SCMH1: variants seen among roughly 807,000 people sequenced by gnomAD.
SCMH1 encodes polycomb protein SCMH1.
Under a neutral mutation model 70.8 loss-of-function variants are expected in SCMH1, and 37 were observed. The ratio of observed to expected loss-of-function variants is 0.52; its 90% CI spans 0.40 to 0.69. The LOEUF is 0.69. Among genes scored for constraint, SCMH1 ranks in the 30% least tolerant of loss-of-function variants. The probability of loss-of-function intolerance (pLI) is 0.00; values close to 1 mark genes in which losing one functional copy is unlikely to be tolerated. For missense variants in SCMH1, 607 were observed against 827.3 expected (o/e 0.73, Z 3.27); for synonymous variants, 292 against 307.4 (o/e 0.95, Z 0.52).
At chr1:41,210,169 T>C (rs1656651859) in intron 1 of SCMH1, among the ~76,000 whole-genome samples, 1 of 152,106 alleles carries the variant, frequency 6.6e-6, no homozygotes, top group African/African-American at 2.4e-5. Context: ...AAGGACCTCT[T>C]CAAGGAGAAC....
chr1:41,100,524 C>A (rs938596097), intron 8 of SCMH1, among the ~76,000 whole-genome samples: 3 of 151,094 alleles, frequency 2.0e-5, no homozygotes, highest in African/African-American at 7.3e-5. Context: ...AATCCCTTAT[C>A]TTTAACATGT....
chr1:41,035,673 C>G (rs879342636), intron 13 of SCMH1, among the ~76,000 whole-genome samples: 1 of 152,188 alleles, frequency 6.6e-6, no homozygotes, highest in Non-Finnish European at 1.5e-5. Flanking sequence ...CTAACTTTCT[C>G]CTCTTTCCTA....
intron 7 of SCMH1, among the ~76,000 whole-genome samples, chr1:41,114,088 T>C (rs1210614140): frequency 6.6e-6 from 1 of 152,220 alleles, no homozygotes; most frequent in Non-Finnish European, 1.5e-5. Flanking sequence ...TCCAATTGTT[T>C]ACTATTTTAA....
intron 6 of SCMH1, among the ~76,000 whole-genome samples, chr1:41,123,577 G>A (rs1672465775): frequency 6.6e-6 from 1 of 152,182 alleles, no homozygotes; most frequent in Non-Finnish European, 1.5e-5. Context: ...CCTAGACCCT[G>A]AAAATTTTAA....
chr1:41,167,912 G>GA (rs1646517691), intron 2 of SCMH1, among the ~76,000 whole-genome samples: 1 of 27,090 alleles, frequency 3.7e-5, no homozygotes, highest in African/African-American at 1.7e-4. Flanking sequence ...GCAGTGTTTT[G>GA]TTTTTTTTTT....
At chr1:41,149,571 G>T (rs1312091139) in intron 5 of SCMH1, among the ~76,000 whole-genome samples, 3 of 152,098 alleles carry the variant, frequency 2.0e-5, no homozygotes, top group Non-Finnish European at 4.4e-5. Flanking sequence ...TACCTGATGG[G>T]TACTGGATAT....
intron 10 of SCMH1, among the ~76,000 whole-genome samples, chr1:41,064,947 C>T (rs1196583890): frequency 2.0e-5 from 3 of 151,846 alleles, no homozygotes; most frequent in Non-Finnish European, 4.4e-5. Context: ...CTCACAATAC[C>T]ATTTATGTTA....
chr1:41,182,840 T>C (rs1330096559), intron 2 of SCMH1, among the ~76,000 whole-genome samples: 2 of 152,126 alleles, frequency 1.3e-5, no homozygotes, highest in African/African-American at 2.4e-5. Flanking sequence ...CATTACAAAA[T>C]GTGTAATTTT....
At chr1:41,226,873 C>T (rs116619968) in intron 1 of SCMH1, among the ~76,000 whole-genome samples, 2,498 of 152,264 alleles carry the variant, frequency 0.016, 27 homozygotes, top group South Asian at 0.03. Flanking sequence ...GAAGTTATGT[C>T]TCCGTTGAAA....
intron 1 of SCMH1, among the ~76,000 whole-genome samples, chr1:41,201,005 C>G (rs1458085496): frequency 6.6e-6 from 1 of 152,136 alleles, no homozygotes; most frequent in Non-Finnish European, 1.5e-5. Context: ...CCAGAGATCT[C>G]AAGATCAACT....
chr1:41,131,136 C>T (rs1460467043), intron 6 of SCMH1, among the ~76,000 whole-genome samples: 1 of 152,064 alleles, frequency 6.6e-6, no homozygotes, highest in African/African-American at 2.4e-5. Context: ...CCATTTGTTC[C>T]TCACCAGCTG....
intron 13 of SCMH1, among the ~76,000 whole-genome samples, chr1:41,029,736 A>G (rs12119252): frequency 0.078 from 11,880 of 152,162 alleles, 599 homozygotes; most frequent in South Asian, 0.13. Flanking sequence ...ACTTCAACTT[A>G]ACTAAGCAGG....
chr1:41,185,457 G>A (rs1223839895), intron 2 of SCMH1, among the ~76,000 whole-genome samples: 1 of 152,070 alleles, frequency 6.6e-6, no homozygotes, highest in Admixed American at 6.5e-5. Flanking sequence ...CAAATGCCGG[G>A]ATTACAGGTG....
At chr1:41,214,534 A>C (rs1657695537) in intron 1 of SCMH1, among the ~76,000 whole-genome samples, 1 of 152,132 alleles carries the variant, frequency 6.6e-6, no homozygotes, top group Non-Finnish European at 1.5e-5. Context: ...AGGGCCTTGA[A>C]TAGTAGTTAT....
intron 1 of SCMH1, among the ~76,000 whole-genome samples, chr1:41,240,717 T>C (rs1663331155): frequency 6.6e-6 from 1 of 152,038 alleles, no homozygotes; most frequent in South Asian, 2.1e-4. Context: ...GTCTTTTAGT[T>C]TGTTTGAACA....
At chr1:41,235,025 C>A (rs1399156568) in intron 1 of SCMH1, among the ~76,000 whole-genome samples, 2 of 152,078 alleles carry the variant, frequency 1.3e-5, no homozygotes, top group South Asian at 4.1e-4. Flanking sequence ...GAGATTTGAC[C>A]ACCTTGGCTT....
chr1:41,113,572 C>T lies in SCMH1; in HGVS notation c.502-46G>A. ...TACACACCTAGACACAAAGAGAGGCCATTATGCCAATAGACTACTATCTAA... is the reference window on the plus strand; with the variant it reads ...TACACACCTAGACACAAAGAGAGGCTATTATGCCAATAGACTACTATCTAA... On this transcript the variant is annotated intron_variant, in intron 7 of 14. Transcript: ENST00000337495. The surrounding 1 kb of genome is among the most constrained non-coding windows in gnomAD (Gnocchi z 4.3). The T allele has an allele frequency of 6.4e-7, 1 of 1,564,606 alleles. No individual in the cohort carries two copies. Among genetic ancestry groups the T allele is most frequent in the Non-Finnish European group, 8.6e-7 (1 of 1,157,856 alleles).
intron 1 of SCMH1, among the ~76,000 whole-genome samples, chr1:41,230,925 G>A (rs1366619836): frequency 6.6e-6 from 1 of 152,134 alleles, no homozygotes; most frequent in East Asian, 1.9e-4. Context: ...TGCTACAAAC[G>A]AAGTTAACCA....
At chr1:41,153,859 C>T (rs1338507627) in intron 4 of SCMH1, among the ~76,000 whole-genome samples, 1 of 152,140 alleles carries the variant, frequency 6.6e-6, no homozygotes, top group Non-Finnish European at 1.5e-5. Flanking sequence ...TAATATTCTG[C>T]CATATCTCCA....
Sources: gnomAD v4.1 joint callset for allele counts (sites outside exome capture counted in the v4.1 genomes callset) on GRCh38, gnomAD v4.1.1 for gene constraint, Gnocchi (gnomAD v3.1) non-coding constraint, MANE v1.5 for transcripts, NCBI Gene and HGNC (gene_info 2026-07-23, HGNC 2026-07-21) for gene names.